The following BFAR variants were observed in gnomAD, a reference collection of about 807,000 sequenced individuals.
BFAR encodes the protein RING finger protein 47.
BFAR carries 52 observed loss-of-function variants against 54.4 expected under a neutral mutation model. The observed-to-expected ratio is 0.96, with a 90% CI of 0.77 to 1.21. The LOEUF (loss-of-function observed/expected upper bound fraction) is 1.21, where lower values mean the gene tolerates loss of function less well. Ranked by LOEUF, BFAR falls within the 50% of genes most tolerant of loss-of-function variation. BFAR has a pLI of 0.00. For missense variants in BFAR, 571 were observed against 534.0 expected, an observed-to-expected ratio of 1.07 and a Z score of -0.68; for synonymous variants, 215 against 204.3, an observed-to-expected ratio of 1.05 and a Z score of -0.45.
rs1161634995 is a variant in BFAR at position 14,658,464 on chromosome 16, A to AT, written c.783+3258dup. On this transcript the variant is annotated intron_variant, in intron 5 of 7. Transcript: ENST00000261658. ...TGCCAGCATCTGTGTCTGCAGTTCC[A>AT]TTTTACAGGCTGCTGTTTGTTAGAA... is the stretch of plus-strand genomic sequence containing the variant. Among the ~76,000 whole-genome samples the AT allele has an allele frequency of 3.3e-5, 5 of 152,192 alleles. No homozygotes were observed. In the South Asian group the frequency reaches 8.3e-4, roughly 25 times the overall value.
intron 1 of BFAR, among the ~76,000 whole-genome samples, chr16:14,634,385 CTTTT>C (rs1228359068): frequency 6.6e-6 from 1 of 152,154 alleles, no homozygotes; most frequent in Non-Finnish European, 1.5e-5. Context: ...CAGGGCAGTT[CTTTT>C]TGTTTGCTTT....
In BFAR at chr16:14,665,020, C is replaced by G; in HGVS notation, c.1109C>G (p.Ser370Ter). 1 of 1,614,114 alleles carries G rather than the reference C, an allele frequency of 6.2e-7. No individual in the cohort carries two copies. Among genetic ancestry groups the G allele is most frequent in the East Asian group, 2.2e-5 (1 of 44,884 alleles). The change falls in exon 7 of 8, where the codon TCA becomes TGA. Residue 370 changes from serine (S) to a stop codon, truncating the protein, a stop_gained. Transcript: ENST00000261658. LOFTEE classifies it high-confidence loss of function. ...RFLIINAMLL[S>*]VLELFSFWRI... ...CTCATCATCAATGCTATGTTACTCT[C>G]AGTTCTGGAATTATTCTCCTTTTGG...
In BFAR at chr16:14,667,912, T is replaced by G; in HGVS notation, c.*85T>G. The G allele has an allele frequency of 7.3e-7, 1 of 1,370,204 alleles. No homozygotes were observed. The highest frequency in any genetic ancestry group is 1.0e-6 in the Non-Finnish European group (1 of 984,498). The allele number at this position is 1,370,204 out of a possible 1,614,324, so 84.9% of individuals were successfully genotyped here. On this transcript the variant is annotated 3_prime_UTR_variant, in exon 8 of 8. Transcript: ENST00000261658. ...AGAGGGGTGAGGCAGGGAGCGGACT[T>G]CCTATTTTCTACCCTCAGTAAAACA...
At chr16:14,651,248 C>G (rs1269598982) in intron 4 of BFAR, among the ~76,000 whole-genome samples, 3 of 152,198 alleles carry the variant, frequency 2.0e-5, no homozygotes, top group Non-Finnish European at 4.4e-5. Flanking sequence ...CCATGATTCC[C>G]TCTTTGGGTT....
At chr16:14,646,539 C>A (rs1303599204) in intron 2 of BFAR, among the ~76,000 whole-genome samples, 1 of 151,358 alleles carries the variant, frequency 6.6e-6, no homozygotes, top group East Asian at 1.9e-4. Context: ...ACCCTTGTTG[C>A]CCGGGCTGGA....
intron 1 of BFAR, chr16:14,633,337 A>G (rs1420436215): frequency 1.3e-5 from 2 of 152,284 alleles, no homozygotes; most frequent in East Asian, 1.9e-4. Context: ...TAGGGCGGGA[A>G]GGAGGAGGGG....
At chr16:14,665,749 T>G (rs996779919) in intron 7 of BFAR, among the ~76,000 whole-genome samples, 16 of 152,184 alleles carry the variant, frequency 1.1e-4, no homozygotes, top group African/African-American at 3.9e-4. Context: ...TCTTAGAGGC[T>G]TCCCCCAAAC....
chr16:14,642,817 C>T (rs887430612), intron 1 of BFAR, among the ~76,000 whole-genome samples: 5 of 152,140 alleles, frequency 3.3e-5, no homozygotes, highest in African/African-American at 1.2e-4. Context: ...TGTTACCAAC[C>T]CCAGACATTT....
In BFAR at chr16:14,667,936, C is replaced by A; in HGVS notation, c.*109C>A. 1 of 1,182,694 alleles carries A rather than the reference C, an allele frequency of 8.5e-7. No homozygotes were observed. Among genetic ancestry groups the A allele is most frequent in the African/African-American group, 1.5e-5 (1 of 65,226 alleles). The allele number at this position is 1,182,694 out of a possible 1,614,324, so 73.3% of individuals were successfully genotyped here. On this transcript the variant is annotated 3_prime_UTR_variant, in exon 8 of 8. Coordinates refer to ENST00000261658, the MANE Select transcript of BFAR (RefSeq NM_016561.3). ...TTCCTATTTTCTACCCTCAGTAAAA[C>A]AAGGTGCTGCTTTGTATATCAAAAG...
Position 14,649,864 on chromosome 16 carries a change from A to T in BFAR, c.529A>T (p.Lys177Ter). 4 of 1,613,268 alleles carry T rather than the reference A, an allele frequency of 2.5e-6. No homozygotes were observed. Among genetic ancestry groups the T allele is most frequent in the Non-Finnish European group, 3.4e-6 (4 of 1,179,582 alleles). ...RESEHDLLVH[K>*]AVAKWTAEEV... ...ATCTGAACACGACCTCCTGGTCCACAAGGCTGTGGCCAAATGGACGGCGGA... is the reference window on the plus strand; with the variant it reads ...ATCTGAACACGACCTCCTGGTCCACTAGGCTGTGGCCAAATGGACGGCGGA... Residue 177 changes from lysine (K) to a stop codon, truncating the protein, a stop_gained, in exon 4 of 8, where the codon AAG becomes TAG. Transcript: ENST00000261658. LOFTEE classifies it high-confidence loss of function.
chr16:14,644,869 C>G lies in BFAR; in HGVS notation c.263+260C>G, dbSNP rs190995545. 5.3e-4 allele frequency among the ~76,000 whole-genome samples: 81 copies of G among 152,178 alleles called. 2 individuals are homozygous for G. The highest frequency in any genetic ancestry group is 1.9e-3 in the African/African-American group (78 of 41,534). On this transcript the variant is annotated intron_variant, in intron 2 of 7. Transcript: ENST00000261658. ...AGGTCGCACACTTGGAGCCCACCTC[C>G]TTGGGGGTGGATCTTCTGGAATATG... is the stretch of plus-strand genomic sequence containing the variant.
chr16:14,635,700 C>G (rs1959411167), intron 1 of BFAR, among the ~76,000 whole-genome samples: 1 of 151,832 alleles, frequency 6.6e-6, no homozygotes, highest in South Asian at 2.1e-4. Context: ...GAAAAAAAAT[C>G]TAGTTGGAGT....
intron 4 of BFAR, chr16:14,650,602 T>C (rs1273214335): frequency 6.6e-6 from 1 of 152,256 alleles, no homozygotes; most frequent in African/African-American, 2.4e-5. Flanking sequence ...CGTGGTATTT[T>C]GTGTCTGGCT....
In BFAR at chr16:14,649,986, G is replaced by A; in HGVS notation, c.638+13G>A. The A allele has an allele frequency of 6.3e-7, 1 of 1,597,334 alleles. No homozygotes were observed. Among genetic ancestry groups the A allele is most frequent in the Non-Finnish European group, 8.6e-7 (1 of 1,169,292 alleles). On this transcript the variant is annotated intron_variant, in intron 4 of 7. Transcript: ENST00000261658. Reference sequence around the variant, plus strand: ...GAGTAAATGGAAGGTGAGGAGCAAAGTCTTCTGACACACCGTGGACATTTT... The same window carrying A: ...GAGTAAATGGAAGGTGAGGAGCAAAATCTTCTGACACACCGTGGACATTTT...
intron 3 of BFAR, 42 bp downstream of exon 3, chr16:14,648,634 A>C (rs373521116): frequency 6.4e-6 from 8 of 1,241,840 alleles, no homozygotes; most frequent in Non-Finnish European, 8.8e-6. Flanking sequence ...CCCACACCTC[A>C]CCCCCCGACC....
chr16:14,647,336 C>T (rs1299856616), intron 2 of BFAR, among the ~76,000 whole-genome samples: 8 of 151,950 alleles, frequency 5.3e-5, no homozygotes, highest in African/African-American at 9.7e-5. Context: ...CTGCCCACCT[C>T]GGCCTCCCAA....
At chr16:14,655,774 A>G (rs1022102469) in intron 5 of BFAR, among the ~76,000 whole-genome samples, 2 of 152,132 alleles carry the variant, frequency 1.3e-5, no homozygotes, top group Non-Finnish European at 2.9e-5. Flanking sequence ...AGACACTTAC[A>G]TGTTTTGGGG....
In BFAR at chr16:14,658,847, T is replaced by A. The variant is rs115125020; in HGVS notation, c.784-3045T>A. Reference sequence around the variant, plus strand: ...GTCCTGCTTGAAAAGTAAGGACTTTTCAAAAGACAAAATTACAATATCACC... The same window carrying A: ...GTCCTGCTTGAAAAGTAAGGACTTTACAAAAGACAAAATTACAATATCACC... On this transcript the variant is annotated intron_variant, in intron 5 of 7. Coordinates refer to ENST00000261658, the MANE Select transcript of BFAR (RefSeq NM_016561.3). Among the ~76,000 whole-genome samples, 1,416 of 152,222 alleles carry A rather than the reference T, an allele frequency of 9.3e-3. 24 individuals carry two copies. The highest frequency in any genetic ancestry group is 0.032 in the African/African-American group (1,327 of 41,546).
intron 5 of BFAR, among the ~76,000 whole-genome samples, chr16:14,655,719 C>T (rs948528287): frequency 2.6e-5 from 4 of 152,102 alleles, no homozygotes; most frequent in Non-Finnish European, 4.4e-5. Context: ...GGATTACAGG[C>T]GTCAGCCACC....
Sources: allele counts gnomAD v4.1 joint callset (sites outside exome capture counted in the v4.1 genomes callset), GRCh38; gene constraint gnomAD v4.1.1; transcripts MANE v1.5; gene names NCBI Gene and HGNC (gene_info 2026-07-23, HGNC 2026-07-21).